TCF20: variants seen among roughly 807,000 people sequenced by gnomAD.
The protein encoded by TCF20 is SPRE-binding protein.
TCF20 carries 3 observed loss-of-function variants against 148.6 expected under a neutral mutation model. That is an observed-to-expected ratio of 0.02 (90% confidence interval 0.01 to 0.05). The LOEUF (loss-of-function observed/expected upper bound fraction) is 0.05. Among genes scored for constraint, TCF20 ranks in the 10% least tolerant of loss-of-function variants. TCF20 has a pLI of 1.00. For missense variants in TCF20, 2,350 were observed against 2,429.3 expected (o/e 0.97, Z 0.69); for synonymous variants, 1,049 against 909.5 (o/e 1.15, Z -2.76).
chr22:42,271,314 C>T (rs879311883), upstream of TCF20, among the ~76,000 whole-genome samples: 20 of 152,232 alleles, frequency 1.3e-4, no homozygotes, highest in Non-Finnish European at 2.4e-4. Flanking sequence ...GTAAAACGGA[C>T]GCTCCAGCTG....
intron 1 of TCF20, among the ~76,000 whole-genome samples, chr22:42,257,142 A>C (rs569962849): frequency 3.5e-4 from 53 of 152,336 alleles, no homozygotes; most frequent in South Asian, 1.9e-3. Flanking sequence ...CCTGGGTGAC[A>C]GTGCAACATC....
chr22:42,188,008 C>A (rs1937127870), intron 2 of TCF20, among the ~76,000 whole-genome samples: 1 of 152,116 alleles, frequency 6.6e-6, no homozygotes, highest in East Asian at 1.9e-4. Context: ...AATCCAGATT[C>A]TCAGGCCGGG....
At chr22:42,239,981 A>G (rs1924251078) in intron 1 of TCF20, among the ~76,000 whole-genome samples, 1 of 152,218 alleles carries the variant, frequency 6.6e-6, no homozygotes, top group Admixed American at 6.5e-5. Flanking sequence ...TCTGTGAAGT[A>G]CAATAAAGTA....
intron 1 of TCF20, among the ~76,000 whole-genome samples, chr22:42,236,179 AAAAC>A (rs1923866996): frequency 1.3e-5 from 2 of 152,302 alleles, no homozygotes; most frequent in East Asian, 1.9e-4. Context: ...CCACTTCAAA[AAAAC>A]AAACAAAAAC....
chr22:42,240,896 C>A (rs752677091), intron 1 of TCF20, among the ~76,000 whole-genome samples: 22 of 152,202 alleles, frequency 1.4e-4, no homozygotes, highest in African/African-American at 4.8e-4. Context: ...CTCTGTCCCC[C>A]CCAGGCTGGA....
At position 42,307,357 on chromosome 22, in the gene TCF20, C is replaced by T. The variant is rs182605372; in HGVS notation, c.-37+36122G>A. The stretch of plus-strand genomic sequence containing the variant: ...CCATCTGCACTTAGGCCCAGAGTGG[C>T]GGACAGCTGGGAAGGGTGACTTTGG... On this transcript the variant is annotated intron_variant, in intron 1 of 1. Coordinates refer to the TCF20 transcript ENST00000515426. Among the ~76,000 whole-genome samples the T allele has an allele frequency of 6.5e-4, 99 of 152,330 alleles. 1 individual carries two copies. In the East Asian group the frequency reaches 0.01, roughly 15 times the overall value.
intron 1 of TCF20, among the ~76,000 whole-genome samples, chr22:42,309,181 G>A (rs1927488064): frequency 6.6e-6 from 1 of 152,098 alleles, no homozygotes; most frequent in Admixed American, 6.5e-5. Flanking sequence ...GGCAACCCCT[G>A]CGGGACAGTC....
intron 1 of TCF20, among the ~76,000 whole-genome samples, chr22:42,218,439 T>C (rs1409213985): frequency 2.0e-5 from 3 of 152,176 alleles, no homozygotes; most frequent in African/African-American, 7.2e-5. Context: ...TCTGTCTACA[T>C]GAGTATTAAT....
At chr22:42,194,901 A>G (rs1937515438) in intron 2 of TCF20, among the ~76,000 whole-genome samples, 1 of 151,788 alleles carries the variant, frequency 6.6e-6, no homozygotes, top group South Asian at 2.1e-4. Flanking sequence ...GCTTCTCCAC[A>G]CTTACACAGA....
intron 1 of TCF20, among the ~76,000 whole-genome samples, chr22:42,251,692 G>C (rs573460458): frequency 6.7e-6 from 1 of 148,816 alleles, no homozygotes; most frequent in Non-Finnish European, 1.5e-5. Flanking sequence ...TAGTAGAGAC[G>C]GGGTTTTGCC....
At chr22:42,286,097 C>T (rs1025929408), upstream of TCF20, among the ~76,000 whole-genome samples, 2 of 152,194 alleles carry the variant, frequency 1.3e-5, no homozygotes, top group Non-Finnish European at 2.9e-5. Context: ...CTGAGCCTGC[C>T]TCACCCTATG....
In TCF20 at chr22:42,258,620, C is replaced by T. The variant is rs1170640626; in HGVS notation, c.-37+11719G>A. Among the ~76,000 whole-genome samples, 9 of 152,210 alleles carry T rather than the reference C, an allele frequency of 5.9e-5. 1 individual carries two copies. In the East Asian group the frequency reaches 1.7e-3, roughly 29 times the overall value. On this transcript the variant is annotated intron_variant, in intron 1 of 5. Transcript: ENST00000677622. ...CAGTAGAAACCCTACTTTGAGTACC[C>T]ACACAACCATTCTGCTTCTCACTTT...
intron 2 of TCF20, among the ~76,000 whole-genome samples, chr22:42,199,380 C>A (rs1280257325): frequency 6.6e-6 from 1 of 152,100 alleles, no homozygotes; most frequent in Non-Finnish European, 1.5e-5. Flanking sequence ...CATGTGGTAG[C>A]ACTTTGCCTA....
chr22:42,200,543 A>G (rs1251933668), intron 2 of TCF20, among the ~76,000 whole-genome samples: 1 of 147,478 alleles, frequency 6.8e-6, no homozygotes, highest in Non-Finnish European at 1.5e-5. Flanking sequence ...TGGGAGGCTG[A>G]GGCCTGGGAG....
chr22:42,221,733 C>T (rs1445663059), intron 1 of TCF20, among the ~76,000 whole-genome samples: 1 of 52,190 alleles, frequency 1.9e-5, no homozygotes, highest in African/African-American at 1.1e-4. Context: ...AACCATATGG[C>T]AAAGGGTTTT....
At position 42,262,381 on chromosome 22, in the gene TCF20, A is replaced by G. The variant is rs149165854; in HGVS notation, c.-37+7958T>C. Among the ~76,000 whole-genome samples the G allele has an allele frequency of 2.7e-3, 418 of 152,242 alleles. 2 individuals are homozygous for G. The highest frequency in any genetic ancestry group is 6.8e-3 in the Middle Eastern group (2 of 294). ...AGATTTAGAGGTAGAGGGTGGTGAG[A>G]GAAAAGGAGGAATCTGATTTGAGAA... On this transcript the variant is annotated intron_variant, in intron 1 of 5. Transcript: ENST00000677622.
At chr22:42,238,813 A>C (rs1009605568) in intron 1 of TCF20, among the ~76,000 whole-genome samples, 1 of 152,230 alleles carries the variant, frequency 6.6e-6, no homozygotes, top group Non-Finnish European at 1.5e-5. Context: ...TGGCGCTCCA[A>C]AACAATTACA....
intron 1 of TCF20, among the ~76,000 whole-genome samples, chr22:42,321,346 A>G (rs1439891087): frequency 6.6e-6 from 1 of 152,158 alleles, no homozygotes; most frequent in Non-Finnish European, 1.5e-5. Flanking sequence ...AGCCTGTCCC[A>G]TGGCCAGCTC....
chr22:42,268,973 G>A (rs1055395371), intron 1 of TCF20, among the ~76,000 whole-genome samples: 14 of 152,140 alleles, frequency 9.2e-5, no homozygotes, highest in Non-Finnish European at 2.9e-5. Flanking sequence ...AGATAAAAAA[G>A]CAAAACCACA....
Sources: gnomAD v4.1 joint callset for allele counts (sites outside exome capture counted in the v4.1 genomes callset) on GRCh38, gnomAD v4.1.1 for gene constraint, MANE v1.5 for transcripts, NCBI Gene and HGNC (gene_info 2026-07-23, HGNC 2026-07-21) for gene names.